Variants in DPYSL5 observed in about 807,000 individuals in gnomAD.
DPYSL5 encodes dihydropyrimidinase like 5.
Under a neutral mutation model 58.4 loss-of-function variants are expected in DPYSL5, and 9 were observed. That is an observed-to-expected ratio of 0.15 (90% CI 0.09 to 0.27). The LOEUF (loss-of-function observed/expected upper bound fraction) is 0.27, where lower values mean the gene tolerates loss of function less well. Among genes scored for constraint, DPYSL5 ranks in the 10% least tolerant of loss-of-function variants. DPYSL5 has a pLI of 1.00. For synonymous variants in DPYSL5, 293 were observed against 301.9 expected (o/e 0.97, Z 0.31); for missense variants, 499 against 770.6 (o/e 0.65, Z 4.17).
chr2:26,916,355 G>C (rs769393923), intron 2 of DPYSL5, among the ~76,000 whole-genome samples: 2 of 152,142 alleles, frequency 1.3e-5, no homozygotes, highest in African/African-American at 2.4e-5. Context: ...TTACAGCAGA[G>C]ATCAAGTGCA....
In DPYSL5 at chr2:26,932,137, G is replaced by GAA. The variant is rs1409919249; in HGVS notation, c.714+454_714+455insAA. Among the ~76,000 whole-genome samples, 171 of 59,734 alleles carry GAA rather than the reference G, an allele frequency of 2.9e-3. 6 individuals carry two copies. The highest frequency in any genetic ancestry group is 0.011 in the African/African-American group (154 of 13,790). 39.2% of individuals were successfully genotyped at this position (59,734 alleles called of 152,430 possible). Reference sequence around the variant, plus strand: ...GAAAAAAGAAAGAGAAAGAAAGAAAGAGAAAGAAAGAAAGAAAGAAAGAAA... The same window carrying GAA: ...GAAAAAAGAAAGAGAAAGAAAGAAAGAAAGAAAGAAAGAAAGAAAGAAAGAAA... On this transcript the variant is annotated intron_variant, in intron 6 of 12. Transcript: ENST00000288699.
chr2:26,922,395 G>A (rs1270879673), intron 2 of DPYSL5, among the ~76,000 whole-genome samples: 4 of 152,230 alleles, frequency 2.6e-5, no homozygotes, highest in Non-Finnish European at 5.9e-5. Flanking sequence ...GGCCCTTTTG[G>A]CCTTTATGAA....
chr2:26,928,716 CAT>C (rs1163726238), intron 5 of DPYSL5, among the ~76,000 whole-genome samples: 7 of 47,580 alleles, frequency 1.5e-4, no homozygotes, highest in African/African-American at 4.3e-4. Flanking sequence ...CACACACACA[CAT>C]ACATATATAT....
chr2:26,857,166 G>T (rs1665899878), intron 1 of DPYSL5, among the ~76,000 whole-genome samples: 1 of 152,056 alleles, frequency 6.6e-6, no homozygotes, highest in Non-Finnish European at 1.5e-5. Flanking sequence ...ATTAACAAGT[G>T]CTTTTTATTG....
Position 26,924,527 on chromosome 2 carries a change from A to T in DPYSL5, c.262-360A>T, listed in dbSNP as rs1664779625. Among the ~76,000 whole-genome samples, 1 of 152,248 alleles carries T rather than the reference A, an allele frequency of 6.6e-6. No homozygotes were observed. Among genetic ancestry groups the T allele is most frequent in the Non-Finnish European group, 1.5e-5 (1 of 68,048 alleles). On this transcript the variant is annotated intron_variant, in intron 2 of 12. Coordinates refer to ENST00000288699, the MANE Select transcript of DPYSL5 (RefSeq NM_020134.4). The surrounding 1 kb of genome is among the most constrained non-coding windows in gnomAD (Gnocchi z 4.7). ...ATTATGTTATATATTACATGCAGAC[A>T]TTTGATCATGTTATCTATAGAGTCA...
At chr2:26,930,842 T>C (rs1218148881) in intron 5 of DPYSL5, among the ~76,000 whole-genome samples, 3 of 151,420 alleles carry the variant, frequency 2.0e-5, no homozygotes, top group South Asian at 4.2e-4. Flanking sequence ...GGCATGGTGG[T>C]GGGCGCCTGT....
intron 2 of DPYSL5, among the ~76,000 whole-genome samples, chr2:26,911,086 T>TTG (rs1380008193): frequency 6.6e-6 from 1 of 150,494 alleles, no homozygotes; most frequent in Non-Finnish European, 1.5e-5. Context: ...TCAGTTTTTT[T>TTG]TTTTTTTTTT....
intron 1 of DPYSL5, among the ~76,000 whole-genome samples, chr2:26,879,478 A>T (rs1195700761): frequency 6.6e-6 from 1 of 151,850 alleles, no homozygotes; most frequent in African/African-American, 2.4e-5. Context: ...AAAAAAAAAA[A>T]AAAGCCCATT....
At chr2:26,928,700 T>C (rs1235526018) in intron 5 of DPYSL5, among the ~76,000 whole-genome samples, 2 of 43,876 alleles carry the variant, frequency 4.6e-5, no homozygotes, top group African/African-American at 1.7e-4. Flanking sequence ...TATATATATA[T>C]ATATACACAC....
chr2:26,928,548 A>G (rs1282735216), intron 5 of DPYSL5, among the ~76,000 whole-genome samples: 2 of 150,844 alleles, frequency 1.3e-5, no homozygotes, highest in Non-Finnish European at 3.0e-5. Context: ...TACAAAAAAA[A>G]TTAGCTGGGC....
intron 2 of DPYSL5, among the ~76,000 whole-genome samples, chr2:26,920,187 TTA>T (rs1491461456): frequency 3.7e-5 from 5 of 135,804 alleles, no homozygotes; most frequent in South Asian, 2.5e-4. Context: ...TTCTTTTTTT[TTA>T]AAAAAAAGCA....
At chr2:26,926,304 C>T (rs1558348000) in intron 3 of DPYSL5, among the ~76,000 whole-genome samples, 1 of 152,130 alleles carries the variant, frequency 6.6e-6, no homozygotes. Flanking sequence ...ATGGGGGTCT[C>T]CTTTTTGGAC....
Position 26,944,151 on chromosome 2 carries a change from C to T in DPYSL5, c.1441-505C>T, listed in dbSNP as rs1326697644. Among the ~76,000 whole-genome samples the T allele has an allele frequency of 6.6e-6, 1 of 151,942 alleles. No individual in the cohort carries two copies. The highest frequency in any genetic ancestry group is 2.4e-5 in the African/African-American group (1 of 41,362). ...TAAAAATACAAAAATTAGTCAGGCA[C>T]GGTGGCAGGCGCCTGTAATCCTAGC... On this transcript the variant is annotated intron_variant, in intron 11 of 12. Transcript: ENST00000288699. The surrounding 1 kb of genome is among the most constrained non-coding windows in gnomAD (Gnocchi z 4.4).
chr2:26,850,804 T>C (rs888220651), intron 1 of DPYSL5, among the ~76,000 whole-genome samples: 5 of 152,148 alleles, frequency 3.3e-5, no homozygotes, highest in African/African-American at 7.2e-5. Flanking sequence ...TTTCTGGCCA[T>C]AGGGAGTCAG....
At position 26,942,580 on chromosome 2, in the gene DPYSL5, T is replaced by A. The variant is rs767634400; in HGVS notation, c.1270T>A (p.Phe424Ile). ...SASTQVQGGD[F>I]NLYENMRCHG... ...CAGCACGCAGGTCCAGGGAGGAGACTTCAACCTGTATGAGAACATGCGCTG... is the reference window on the plus strand; with the variant it reads ...CAGCACGCAGGTCCAGGGAGGAGACATCAACCTGTATGAGAACATGCGCTG... The change falls in exon 11 of 13, where the codon TTC becomes ATC. Residue 424 changes from phenylalanine to isoleucine, a missense_variant. Coordinates refer to ENST00000288699, the MANE Select transcript of DPYSL5 (RefSeq NM_020134.4). The surrounding 1 kb of genome is among the most constrained non-coding windows in gnomAD (Gnocchi z 5.9). The A allele has an allele frequency of 6.2e-7, 1 of 1,614,012 alleles. No homozygotes were observed. The highest frequency in any genetic ancestry group is 1.3e-5 in the African/African-American group (1 of 74,926).
At chr2:26,918,481 TTTC>T (rs35270503) in intron 2 of DPYSL5, among the ~76,000 whole-genome samples, 59,042 of 151,390 alleles carry the variant, frequency 0.39, 11,844 homozygotes, top group Admixed American at 0.54. Context: ...ATTTTTTTTT[TTTC>T]CTCTGGTACT....
intron 8 of DPYSL5, among the ~76,000 whole-genome samples, chr2:26,938,147 GAGAGAGCTCA>G (rs1665229804): frequency 1.3e-5 from 2 of 152,220 alleles, no homozygotes; most frequent in Admixed American, 6.5e-5. Context: ...GGGCAGCACT[GAGAGAGCTCA>G]GAGGGCCTCC....
chr2:26,896,878 T>C (rs1204930342), intron 1 of DPYSL5, among the ~76,000 whole-genome samples: 4 of 152,250 alleles, frequency 2.6e-5, no homozygotes, highest in Non-Finnish European at 4.4e-5. Flanking sequence ...AACTTTTTAG[T>C]TTGACGCAAT....
intron 1 of DPYSL5, among the ~76,000 whole-genome samples, chr2:26,892,793 G>GAGAGAA (rs1663922087): frequency 2.7e-5 from 4 of 147,810 alleles, no homozygotes; most frequent in Admixed American, 2.7e-4. Context: ...GAGAGAGAGA[G>GAGAGAA]AATGCATCTC....
Sources: gnomAD v4.1 joint callset for allele counts (sites outside exome capture counted in the v4.1 genomes callset) on GRCh38, gnomAD v4.1.1 for gene constraint, Gnocchi (gnomAD v3.1) non-coding constraint, MANE v1.5 for transcripts, NCBI Gene and HGNC (gene_info 2026-07-23, HGNC 2026-07-21) for gene names.